Variants in LRP11 observed in about 807,000 individuals in gnomAD.
LRP11 encodes LDL receptor related protein 11, also known as low-density lipoprotein receptor-related protein 11.
In LRP11, 25 loss-of-function variants were observed where a neutral mutation model predicts 43.1. The ratio of observed to expected loss-of-function variants is 0.58; its 90% confidence interval spans 0.42 to 0.81. LRP11 has a LOEUF of 0.81. Among genes scored for constraint, LRP11 ranks in the 30% least tolerant of loss-of-function variants. The probability of loss-of-function intolerance (pLI) is 0.00; values close to 1 mark genes in which losing one functional copy is unlikely to be tolerated. For missense variants in LRP11, 623 were observed against 665.1 expected, an observed-to-expected ratio of 0.94 and a Z score of 0.70; for synonymous variants, 316 against 299.4, an observed-to-expected ratio of 1.06 and a Z score of -0.57.
At position 149,819,128 on chromosome 6, in the gene LRP11, C is replaced by A. The variant is rs1406855737; in HGVS notation, c.*1421G>T. On this transcript the variant is annotated 3_prime_UTR_variant, in exon 7 of 7. Coordinates refer to ENST00000239367, the MANE Select transcript of LRP11 (RefSeq NM_032832.6). ...GCTTCCCAAGAAACAAAAATGATACCCAATTTCTTTGCTTTTCTAGAAGTA... is the reference window on the plus strand; with the variant it reads ...GCTTCCCAAGAAACAAAAATGATACACAATTTCTTTGCTTTTCTAGAAGTA... 6.6e-6 allele frequency: 1 copy of A among 152,002 alleles called. No individual in the cohort carries two copies. The highest frequency in any genetic ancestry group is 2.4e-5 in the African/African-American group (1 of 41,382). 9.4% of individuals were successfully genotyped at this position (152,002 alleles called of 1,614,324 possible).
intron 2 of LRP11, among the ~76,000 whole-genome samples, chr6:149,846,993 GAATAGAATAGAATAGAATAGAATAA>G (rs1236897441): frequency 3.9e-5 from 6 of 151,910 alleles, no homozygotes; most frequent in African/African-American, 1.4e-4. Flanking sequence ...GAATAGAATA[GAATAGAATAGAATAGAATAGAATAA>G]ACCAAGGAAG....
chr6:149,863,311 A>C, intron 1 of LRP11, 97 bp downstream of exon 1: 8 of 1,282,880 alleles, frequency 6.2e-6, no homozygotes, highest in African/African-American at 1.5e-5. Flanking sequence ...CCGCGGCTAA[A>C]ATAACTTGGC....
Position 149,857,930 on chromosome 6 carries a change from T to C in LRP11, c.614-4770A>G, listed in dbSNP as rs577664310. 3.9e-5 allele frequency among the ~76,000 whole-genome samples: 6 copies of C among 152,322 alleles called. No individual in the cohort carries two copies. The East Asian group carries it at 1.2e-3, about 29-fold the overall frequency. On this transcript the variant is annotated intron_variant, in intron 1 of 6. Transcript: ENST00000239367. ...TGAAGTTATAGAAAGAACTTAACTT[T>C]CACAACGAATCTCTGAGGTAGGTAT...
chr6:149,826,726 G>A (rs1313163245), intron 5 of LRP11, among the ~76,000 whole-genome samples: 1 of 152,086 alleles, frequency 6.6e-6, no homozygotes, highest in Non-Finnish European at 1.5e-5. Flanking sequence ...AATAAACAAT[G>A]GGCATATATA....
intron 1 of LRP11, 118 bp downstream of exon 1, chr6:149,863,290 C>A (rs1776960029): frequency 7.9e-7 from 1 of 1,263,798 alleles, no homozygotes; most frequent in African/African-American, 1.5e-5. Context: ...GCCAGAAACT[C>A]TTCTGGGTGC....
In LRP11 at chr6:149,827,846, AC is replaced by A. The variant is rs1391864777; in HGVS notation, c.1253-1488del. Among the ~76,000 whole-genome samples the A allele has an allele frequency of 6.6e-6, 1 of 152,122 alleles. No homozygotes were observed. The highest frequency in any genetic ancestry group is 1.5e-5 in the Non-Finnish European group (1 of 68,026). ...GCTCATGCCTGGCCAACATGGCAAAACCCTGTCTCTACTTAAAATACAAAAA... is the reference window on the plus strand; with the variant it reads ...GCTCATGCCTGGCCAACATGGCAAAACCTGTCTCTACTTAAAATACAAAAA... On this transcript the variant is annotated intron_variant, in intron 5 of 6. Transcript: ENST00000239367. This position sits in a 1 kb window ranked among gnomAD's most constrained non-coding sequence, Gnocchi z 4.2.
At chr6:149,837,593 T>G in intron 3 of LRP11, 130 bp from the exon 4 acceptor site, 1 of 914,332 alleles carries the variant, frequency 1.1e-6, no homozygotes, top group Non-Finnish European at 1.6e-6. Flanking sequence ...GAGGCAAACC[T>G]AACAATTCCA....
chr6:149,851,022 T>C (rs560319126), intron 2 of LRP11, among the ~76,000 whole-genome samples: 220 of 152,310 alleles, frequency 1.4e-3, no homozygotes, highest in African/African-American at 4.6e-3. Flanking sequence ...AGGATGAGTG[T>C]TAACTTTGGG....
rs1042163510 is a variant in LRP11, at chr6:149,827,648, G to A, written c.1253-1289C>T. On this transcript the variant is annotated intron_variant, in intron 5 of 6. Transcript: ENST00000239367. This position sits in a 1 kb window ranked among gnomAD's most constrained non-coding sequence, Gnocchi z 4.2. ...AGGAAAGCACAGCCATTGCTCATAG[G>A]CTGCAGGATCAGATTTCCCTGCAAA... Among the ~76,000 whole-genome samples the A allele has an allele frequency of 5.3e-5, 8 of 152,218 alleles. No individual in the cohort carries two copies. Among genetic ancestry groups the A allele is most frequent in the Admixed American group, 4.6e-4 (7 of 15,280 alleles).
chr6:149,859,338 A>G (rs1376903423), intron 1 of LRP11, among the ~76,000 whole-genome samples: 2 of 134,474 alleles, frequency 1.5e-5, no homozygotes, highest in Non-Finnish European at 3.1e-5. Context: ...GTGTCTGCTC[A>G]TGTCCTTTGC....
chr6:149,846,803 G>T (rs1328624273), intron 2 of LRP11, among the ~76,000 whole-genome samples: 1 of 151,978 alleles, frequency 6.6e-6, no homozygotes, highest in African/African-American at 2.4e-5. Context: ...GCCAGGTGGT[G>T]CATGCCTGTA....
At chr6:149,857,765 T>C (rs975310455) in intron 1 of LRP11, among the ~76,000 whole-genome samples, 3 of 152,212 alleles carry the variant, frequency 2.0e-5, no homozygotes, top group African/African-American at 7.2e-5. Flanking sequence ...TTGTGTTTTA[T>C]CCGCACAACC....
intron 1 of LRP11, among the ~76,000 whole-genome samples, chr6:149,861,309 C>T (rs1776890083): frequency 6.6e-6 from 1 of 152,206 alleles, no homozygotes; most frequent in Non-Finnish European, 1.5e-5. Context: ...ACCTGAGCCG[C>T]ACCTTCCGCG....
At chr6:149,840,194 C>T (rs1214712145) in intron 3 of LRP11, among the ~76,000 whole-genome samples, 1 of 152,116 alleles carries the variant, frequency 6.6e-6, no homozygotes, top group Non-Finnish European at 1.5e-5. Flanking sequence ...CATTGCAAGA[C>T]CAATACATAC....
chr6:149,844,250 CAAA>C (rs5880856), intron 2 of LRP11, among the ~76,000 whole-genome samples: 2 of 125,122 alleles, frequency 1.6e-5, no homozygotes, highest in Admixed American at 8.1e-5. Flanking sequence ...GACTCCATCT[CAAA>C]AAAAAAAAAA....
At chr6:149,852,917 A>T (rs1463393594) in intron 2 of LRP11, 86 bp downstream of exon 2, 2 of 1,266,432 alleles carry the variant, frequency 1.6e-6, no homozygotes, top group African/African-American at 3.0e-5. Context: ...GCGTACAGAC[A>T]TTTAGGGAGC....
chr6:149,849,600 TTA>T (rs1491416935), intron 2 of LRP11, among the ~76,000 whole-genome samples: 3 of 151,640 alleles, frequency 2.0e-5, no homozygotes, highest in African/African-American at 2.4e-5. Context: ...CTACAAAAAG[TTA>T]AAAAAAAAAT....
chr6:149,851,164 T>C (rs1219614365), intron 2 of LRP11, among the ~76,000 whole-genome samples: 4 of 152,196 alleles, frequency 2.6e-5, no homozygotes, highest in Non-Finnish European at 5.9e-5. Context: ...TTATACACGA[T>C]TGGGAACTGG....
chr6:149,863,381 A>G, intron 1 of LRP11, 27 bp downstream of exon 1: 1 of 1,329,258 alleles, frequency 7.5e-7, no homozygotes, highest in Non-Finnish European at 9.6e-7. Flanking sequence ...GCTCTGGCCA[A>G]GGCCGGCCCC....
Sources: gnomAD v4.1 joint callset for allele counts (sites outside exome capture counted in the v4.1 genomes callset) on GRCh38, gnomAD v4.1.1 for gene constraint, Gnocchi (gnomAD v3.1) non-coding constraint, MANE v1.5 for transcripts, NCBI Gene and HGNC (gene_info 2026-07-23, HGNC 2026-07-21) for gene names.